GALNT17: variants seen among roughly 807,000 people sequenced by gnomAD.
GALNT17 encodes polypeptide N-acetylgalactosaminyltransferase 17.
GALNT17 carries 29 observed loss-of-function variants against 63.7 expected under a neutral mutation model. That is an observed-to-expected ratio of 0.46 (90% CI 0.34 to 0.62). GALNT17 has a LOEUF of 0.62. Among genes scored for constraint, GALNT17 ranks in the 20% least tolerant of loss-of-function variants. The pLI is 0.01. For synonymous variants in GALNT17, 305 were observed against 318.3 expected (o/e 0.96, Z 0.45); for missense variants, 603 against 799.6 (o/e 0.75, Z 2.97).
intron 6 of GALNT17, among the ~76,000 whole-genome samples, chr7:71,646,865 C>G (rs10278326): frequency 0.99 from 148,084 of 150,222 alleles, 73,018 homozygotes; most frequent in East Asian, 1. Context: ...TCCTGCCTCA[C>G]CCTCCTGAGT....
chr7:71,497,211 G>T (rs1463718113), intron 5 of GALNT17, among the ~76,000 whole-genome samples: 1 of 152,192 alleles, frequency 6.6e-6, no homozygotes, highest in Non-Finnish European at 1.5e-5. Flanking sequence ...GCAATGAGCT[G>T]ACCTTCTTCT....
At chr7:71,280,076 G>GTA (rs1790753450) in intron 1 of GALNT17, among the ~76,000 whole-genome samples, 1 of 152,092 alleles carries the variant, frequency 6.6e-6, no homozygotes, top group South Asian at 2.1e-4. Flanking sequence ...TTGTACAAAT[G>GTA]TATAGAGTAG....
intron 5 of GALNT17, among the ~76,000 whole-genome samples, chr7:71,516,588 G>A (rs536867833): frequency 2.0e-5 from 3 of 152,294 alleles, no homozygotes; most frequent in Non-Finnish European, 2.9e-5. Context: ...TGCAGGAGGG[G>A]TGCAGGTATA....
chr7:71,182,280 A>G (rs375812378), intron 1 of GALNT17, among the ~76,000 whole-genome samples: 1 of 152,240 alleles, frequency 6.6e-6, no homozygotes, highest in Non-Finnish European at 1.5e-5. Flanking sequence ...TCAATCAGTC[A>G]TCTCAGACTT....
At chr7:71,563,466 A>G (rs1389011423) in intron 5 of GALNT17, among the ~76,000 whole-genome samples, 1 of 152,238 alleles carries the variant, frequency 6.6e-6, no homozygotes, top group Admixed American at 6.5e-5. Context: ...CCCCAGTCAG[A>G]GGACAAGGAC....
At position 71,550,086 on chromosome 7, in the gene GALNT17, C is replaced by T. The variant is rs1030893868; in HGVS notation, c.963-21199C>T. On this transcript the variant is annotated intron_variant, in intron 5 of 10. Transcript: ENST00000333538. ...AATTTAAAATTGAGAACAGTGAGTG[C>T]TAGTGTTATGTTTTTAAATGAAACT... Among the ~76,000 whole-genome samples, 4 of 151,690 alleles carry T rather than the reference C, an allele frequency of 2.6e-5. No individual in the cohort carries two copies. The South Asian group carries it at 8.3e-4, about 32-fold the overall frequency.
intron 6 of GALNT17, among the ~76,000 whole-genome samples, chr7:71,629,006 G>GAGT (rs1790417456): frequency 6.6e-6 from 1 of 152,156 alleles, no homozygotes; most frequent in Admixed American, 6.5e-5. Flanking sequence ...TTTGGATGGG[G>GAGT]AGTAGTCCAT....
At chr7:71,693,303 CACACACAT>C (rs1791488180) in intron 9 of GALNT17, among the ~76,000 whole-genome samples, 1 of 121,988 alleles carries the variant, frequency 8.2e-6, no homozygotes, top group East Asian at 5.5e-4. Context: ...CACACACACA[CACACACAT>C]ATATATATAT....
rs1181452702 is a variant in GALNT17, at chr7:71,450,199, G to A, written c.962+29094G>A. Among the ~76,000 whole-genome samples, 5 of 148,140 alleles carry A rather than the reference G, an allele frequency of 3.4e-5. No individual in the cohort carries two copies. The South Asian group carries it at 1.1e-3, about 33-fold the overall frequency. On this transcript the variant is annotated intron_variant, in intron 5 of 10. Coordinates refer to ENST00000333538, the MANE Select transcript of GALNT17 (RefSeq NM_022479.3). ...CGCCCAGGATGGAGTGCAGTCGCGC[G>A]ATCTCGGCTCACCGCAAACTCTGCC... is the stretch of plus-strand genomic sequence containing the variant.
intron 5 of GALNT17, among the ~76,000 whole-genome samples, chr7:71,468,745 T>A (rs1481089748): frequency 6.6e-6 from 1 of 152,152 alleles, no homozygotes; most frequent in Non-Finnish European, 1.5e-5. Flanking sequence ...GACCTGGGTG[T>A]TTGCGATGGT....
intron 1 of GALNT17, among the ~76,000 whole-genome samples, chr7:71,165,296 T>G (rs1788417836): frequency 6.6e-6 from 1 of 152,158 alleles, no homozygotes; most frequent in African/African-American, 2.4e-5. Context: ...CACTGCTACT[T>G]AGTTTATTTG....
chr7:71,711,262 C>G (rs1302036546), intron 10 of GALNT17, among the ~76,000 whole-genome samples: 3 of 152,146 alleles, frequency 2.0e-5, no homozygotes, highest in East Asian at 1.9e-4. Flanking sequence ...CCAGGAAACT[C>G]AACATCCTGA....
intron 9 of GALNT17, among the ~76,000 whole-genome samples, chr7:71,682,257 A>G (rs1268822185): frequency 6.6e-6 from 1 of 152,146 alleles, no homozygotes; most frequent in Non-Finnish European, 1.5e-5. Context: ...CCACTCAGGA[A>G]GCACGTGGGT....
At chr7:71,267,605 G>T (rs1441165106) in intron 1 of GALNT17, among the ~76,000 whole-genome samples, 1 of 152,176 alleles carries the variant, frequency 6.6e-6, no homozygotes, top group Non-Finnish European at 1.5e-5. Flanking sequence ...GATGGATGGT[G>T]AACCTGCTTT....
intron 1 of GALNT17, among the ~76,000 whole-genome samples, chr7:71,253,724 T>C (rs986789693): frequency 6.6e-6 from 1 of 152,086 alleles, no homozygotes; most frequent in African/African-American, 2.4e-5. Flanking sequence ...TTGGCTTACA[T>C]AGGTACAGGT....
chr7:71,686,907 T>C (rs1791368155), intron 9 of GALNT17, among the ~76,000 whole-genome samples: 2 of 152,124 alleles, frequency 1.3e-5, no homozygotes, highest in South Asian at 4.1e-4. Flanking sequence ...CCCTGGAGAT[T>C]TCGACGGGCA....
At chr7:71,683,880 C>T (rs503613) in intron 9 of GALNT17, among the ~76,000 whole-genome samples, 56,193 of 151,182 alleles carry the variant, frequency 0.37, 11,200 homozygotes, top group African/African-American at 0.51. Flanking sequence ...TGGTGGTGGG[C>T]GCCTGTAATC....
intron 5 of GALNT17, among the ~76,000 whole-genome samples, chr7:71,564,273 CTTTTCTTTTTTTTTT>C (rs568164496): frequency 2.3e-3 from 177 of 78,372 alleles, no homozygotes; most frequent in African/African-American, 7.7e-3. Flanking sequence ...TTTTTCTTTT[CTTTTCTTTTTTTTTT>C]TTTTTTTTTT....
intron 5 of GALNT17, among the ~76,000 whole-genome samples, chr7:71,511,978 C>A (rs1324840794): frequency 6.6e-6 from 1 of 150,682 alleles, no homozygotes; most frequent in African/African-American, 2.4e-5. Context: ...AGTCTCAACA[C>A]TAACCCTATG....
Sources: gnomAD v4.1 joint callset for allele counts (sites outside exome capture counted in the v4.1 genomes callset) on GRCh38, gnomAD v4.1.1 for gene constraint, MANE v1.5 for transcripts, NCBI Gene and HGNC (gene_info 2026-07-23, HGNC 2026-07-21) for gene names.